PDE7B: variants seen among roughly 807,000 people sequenced by gnomAD.
PDE7B encodes the protein phosphodiesterase 7B.
In PDE7B, 29 loss-of-function variants were observed where a neutral mutation model predicts 56.2. That is an observed-to-expected ratio of 0.52 (90% CI 0.38 to 0.70). The LOEUF is 0.70. Among genes scored for constraint, PDE7B ranks in the 30% least tolerant of loss-of-function variants. PDE7B has a pLI of 0.00. For missense variants in PDE7B, 490 were observed against 565.0 expected, an observed-to-expected ratio of 0.87 and a Z score of 1.35; for synonymous variants, 197 against 196.9, an observed-to-expected ratio of 1.00 and a Z score of 0.00.
intron 1 of PDE7B, among the ~76,000 whole-genome samples, chr6:135,910,299 C>A (rs1159836326): frequency 2.6e-5 from 4 of 152,202 alleles, no homozygotes; most frequent in African/African-American, 4.8e-5. Flanking sequence ...ATCTTGGTAT[C>A]CACAGGTCCC....
At chr6:136,085,044 G>A (rs185431308) in intron 2 of PDE7B, among the ~76,000 whole-genome samples, 45 of 152,284 alleles carry the variant, frequency 3.0e-4, no homozygotes, top group Middle Eastern at 3.4e-3. Context: ...CCACTTGCAG[G>A]AGAGCTGGGT....
At chr6:136,174,956 A>G (rs1778952726) in intron 9 of PDE7B, among the ~76,000 whole-genome samples, 1 of 152,220 alleles carries the variant, frequency 6.6e-6, no homozygotes. Flanking sequence ...AAGTGAGAAG[A>G]AGAAAAGAGG....
chr6:135,943,285 A>T (rs570703887), intron 1 of PDE7B, among the ~76,000 whole-genome samples: 1 of 152,350 alleles, frequency 6.6e-6, no homozygotes, highest in East Asian at 1.9e-4. Context: ...TACAGATAAG[A>T]AGGCAGATTT....
intron 11 of PDE7B, among the ~76,000 whole-genome samples, chr6:136,183,904 G>A (rs1190683415): frequency 6.6e-6 from 1 of 152,004 alleles, no homozygotes; most frequent in Non-Finnish European, 1.5e-5. Context: ...AAGAACCCAT[G>A]AATTAGAAAA....
chr6:136,043,182 G>A (rs1345944848), intron 2 of PDE7B, among the ~76,000 whole-genome samples: 1 of 152,186 alleles, frequency 6.6e-6, no homozygotes, highest in Non-Finnish European at 1.5e-5. Context: ...TTTTCACTCT[G>A]TAGTGATGCT....
At chr6:136,142,028 T>A (rs1778335319) in intron 3 of PDE7B, among the ~76,000 whole-genome samples, 1 of 152,226 alleles carries the variant, frequency 6.6e-6, no homozygotes, top group Non-Finnish European at 1.5e-5. Context: ...GCTTCTCTAG[T>A]TCTTTTAATT....
At chr6:135,935,206 A>ATATT (rs1774399630) in intron 1 of PDE7B, among the ~76,000 whole-genome samples, 1 of 82,128 alleles carries the variant, frequency 1.2e-5, no homozygotes, top group African/African-American at 6.2e-5. Context: ...ATATATATAT[A>ATATT]TATATATATA....
intron 2 of PDE7B, among the ~76,000 whole-genome samples, chr6:135,966,041 G>A (rs1303905497): frequency 1.3e-5 from 2 of 152,110 alleles, no homozygotes; most frequent in African/African-American, 4.8e-5. Context: ...GATATGTTTA[G>A]GGTAATAACA....
At chr6:135,987,069 A>C (rs1393885945) in intron 2 of PDE7B, among the ~76,000 whole-genome samples, 1 of 152,236 alleles carries the variant, frequency 6.6e-6, no homozygotes, top group African/African-American at 2.4e-5. Context: ...CTGTAAAGTA[A>C]TACCTTTATC....
intron 1 of PDE7B, among the ~76,000 whole-genome samples, chr6:135,871,643 T>C (rs1775381938): frequency 1.3e-5 from 2 of 152,214 alleles, no homozygotes; most frequent in African/African-American, 4.8e-5. Context: ...ACTGGAAATC[T>C]ACTCTTAGCT....
intron 3 of PDE7B, among the ~76,000 whole-genome samples, chr6:136,127,966 T>G (rs772404474): frequency 6.6e-6 from 1 of 152,226 alleles, no homozygotes; most frequent in Non-Finnish European, 1.5e-5. Context: ...GAAGAATGAT[T>G]CTGGATGGGC....
chr6:135,910,735 C>T (rs1215444199), intron 1 of PDE7B, among the ~76,000 whole-genome samples: 1 of 152,148 alleles, frequency 6.6e-6, no homozygotes, highest in Non-Finnish European at 1.5e-5. Flanking sequence ...GTTCCAGCCA[C>T]TCATCCCTCC....
chr6:136,148,470 A>AGGCAGGCGGCAGGCAGGCAGGC (rs374978896), intron 4 of PDE7B, among the ~76,000 whole-genome samples: 1 of 130,138 alleles, frequency 7.7e-6, no homozygotes, highest in Admixed American at 8.7e-5. Context: ...GGAAGGAAGG[A>AGGCAGGCGGCAGGCAGGCAGGC]AGGCAGGCAG....
At chr6:136,177,174 A>G (rs947798660) in intron 9 of PDE7B, among the ~76,000 whole-genome samples, 1 of 152,046 alleles carries the variant, frequency 6.6e-6, no homozygotes, top group Non-Finnish European at 1.5e-5. Context: ...TTAAAAATTA[A>G]GACTTCCTGG....
chr6:135,852,879 G>T (rs1218762251), intron 1 of PDE7B, among the ~76,000 whole-genome samples: 4 of 152,146 alleles, frequency 2.6e-5, no homozygotes, highest in Admixed American at 2.6e-4. Flanking sequence ...ATTGCAATAA[G>T]AGTAAACCTC....
In PDE7B at chr6:136,195,173, C is replaced by T. The variant is rs528223515; in HGVS notation, c.*3333C>T. 3 of 152,110 alleles carry T rather than the reference C, an allele frequency of 2.0e-5. No homozygotes were observed. The South Asian group carries it at 6.2e-4, about 32-fold the overall frequency. 9.4% of individuals were successfully genotyped at this position (152,110 alleles called of 1,614,324 possible). A position where few individuals can be genotyped will look rare whatever the true frequency, so the allele number is the denominator to read the frequency against. On this transcript the variant is annotated 3_prime_UTR_variant, in exon 13 of 13. Transcript: ENST00000308191. The stretch of plus-strand genomic sequence containing the variant: ...ATTGTCAGGACCTTATTTAGGAAAC[C>T]CTGACCTACCCATAACTCCCTGCTA...
At chr6:136,134,718 T>G (rs1778180284) in intron 3 of PDE7B, among the ~76,000 whole-genome samples, 2 of 125,324 alleles carry the variant, frequency 1.6e-5, no homozygotes, top group Middle Eastern at 5.1e-3. Flanking sequence ...TTCGTTGGGA[T>G]GGAGTTTATG....
At chr6:135,976,718 T>C (rs1159784716) in intron 2 of PDE7B, among the ~76,000 whole-genome samples, 1 of 152,166 alleles carries the variant, frequency 6.6e-6, no homozygotes, top group Non-Finnish European at 1.5e-5. Flanking sequence ...TTTTCATTAT[T>C]ATTGTTATTT....
chr6:135,892,962 CTT>C (rs900102570), intron 1 of PDE7B, among the ~76,000 whole-genome samples: 1 of 152,112 alleles, frequency 6.6e-6, no homozygotes. Context: ...AATCTTGCCT[CTT>C]TTTGAATCCA....
Sources: allele counts gnomAD v4.1 joint callset (sites outside exome capture counted in the v4.1 genomes callset), GRCh38; gene constraint gnomAD v4.1.1; transcripts MANE v1.5; gene names NCBI Gene and HGNC (gene_info 2026-07-23, HGNC 2026-07-21).